The following WDR18 variants were observed in gnomAD, a reference collection of about 807,000 sequenced individuals.
WDR18 encodes WD repeat domain 18, also known as WD repeat-containing protein 18.
A neutral mutation model predicts 49.6 loss-of-function variants in WDR18; 33 were observed. The ratio of observed to expected loss-of-function variants is 0.67; its 90% CI spans 0.50 to 0.89. WDR18 has a LOEUF of 0.89. Among genes scored for constraint, WDR18 ranks in the 40% least tolerant of loss-of-function variants. WDR18 has a pLI of 0.00. For missense variants in WDR18, 653 were observed against 593.6 expected (o/e 1.10, Z -1.04); for synonymous variants, 315 against 263.6 (o/e 1.19, Z -1.89).
At chr19:990,005 G>C in intron 3 of WDR18, 110 bp downstream of exon 3, 1 of 1,485,430 alleles carries the variant, frequency 6.7e-7, no homozygotes. Context: ...GGGGGCTGGA[G>C]TGCAGAGGAC....
At chr19:988,842 C>G (rs1321516398) in intron 2 of WDR18, among the ~76,000 whole-genome samples, 3 of 152,174 alleles carry the variant, frequency 2.0e-5, no homozygotes, top group African/African-American at 7.2e-5. Context: ...AACCGGGACA[C>G]ATGGATGGAT....
At chr19:984,677 G>C in intron 1 of WDR18, 114 bp downstream of exon 1, 1 of 1,130,860 alleles carries the variant, frequency 8.8e-7, no homozygotes, top group South Asian at 1.9e-5. Flanking sequence ...GGGAGGGGAG[G>C]TGGTCTCCGT....
rs756685556 is a variant in WDR18 at position 989,841 on chromosome 19, G to A, written c.401G>A (p.Ser134Asn). 3 of 1,612,762 alleles carry A rather than the reference G, an allele frequency of 1.9e-6. No homozygotes were observed. Among genetic ancestry groups the A allele is most frequent in the Admixed American group, 1.7e-5 (1 of 59,980 alleles). Residue 134 changes from serine to asparagine, a missense_variant, in exon 3 of 10, where the codon AGC becomes AAC. Ser to Asn is a conservative substitution (Grantham distance 46, BLOSUM62 1). Coordinates refer to ENST00000585809, the MANE Select transcript of WDR18 (RefSeq NM_024100.4). ...VSCLQFTGDS[S>N]HFISGGKDCL... ...TGCCTTCAGTTCACAGGGGACAGCA[G>A]CCACTTCATCTCAGGGGGCAAGGAC...
At chr19:992,953 C>T (rs973603355) in intron 8 of WDR18, among the ~76,000 whole-genome samples, 1 of 152,266 alleles carries the variant, frequency 6.6e-6, no homozygotes, top group Admixed American at 6.5e-5. Flanking sequence ...TGCCCGACAG[C>T]CTGATGGCCT....
intron 7 of WDR18, 149 bp from the exon 8 acceptor site, chr19:991,803 GGTC>G: frequency 2.4e-6 from 2 of 819,458 alleles, no homozygotes; most frequent in Non-Finnish European, 3.4e-6. Flanking sequence ...GGCGTGGACT[GGTC>G]GTGGGGCGGG....
chr19:988,959 G>C (rs146336883), intron 2 of WDR18, among the ~76,000 whole-genome samples: 13 of 152,118 alleles, frequency 8.5e-5, no homozygotes, highest in African/African-American at 3.1e-4. Context: ...ACATGCTTTT[G>C]GGGGGAAACA....
intron 8 of WDR18, among the ~76,000 whole-genome samples, chr19:992,421 C>T (rs2038572024): frequency 1.3e-5 from 2 of 152,368 alleles, no homozygotes; most frequent in East Asian, 3.9e-4. Flanking sequence ...TTAGGTCTTT[C>T]TGCAAAAGGC....
intron 2 of WDR18, among the ~76,000 whole-genome samples, chr19:987,947 G>T (rs1266889432): frequency 6.7e-6 from 1 of 148,736 alleles, no homozygotes; most frequent in Admixed American, 6.8e-5. Flanking sequence ...CGATTCTCCT[G>T]CCTCAGCCTC....
upstream of WDR18, among the ~76,000 whole-genome samples, chr19:983,716 G>A (rs779467934): frequency 5.3e-5 from 8 of 152,112 alleles, 1 homozygote; most frequent in South Asian, 1.0e-3. Context: ...CCCTAAAGAG[G>A]GGTCAAGGGG....
chr19:992,185 C>T, intron 8 of WDR18, 64 bp downstream of exon 8: 1 of 1,387,380 alleles, frequency 7.2e-7, no homozygotes, highest in Non-Finnish European at 9.3e-7. Context: ...GGGCCCTGGG[C>T]TCCTTCGCTC....
chr19:989,158 A>AC (rs2038511749), intron 2 of WDR18, among the ~76,000 whole-genome samples: 1 of 79,570 alleles, frequency 1.3e-5, no homozygotes, highest in Admixed American at 1.3e-4. Flanking sequence ...CGAACCCACA[A>AC]CCCCCTCCAG....
At chr19:984,303 G>C (rs552228730), upstream of WDR18, 10 of 1,500,224 alleles carry the variant, frequency 6.7e-6, no homozygotes, top group Middle Eastern at 2.0e-4. Context: ...TGGGGCAGTC[G>C]TCCGCGTCTC....
In WDR18 at chr19:991,320, C is replaced by T. The variant is rs765481402; in HGVS notation, c.900C>T (p.Ser300=). 3.8e-6 allele frequency: 6 copies of T among 1,558,628 alleles called. No individual in the cohort carries two copies. Among genetic ancestry groups the T allele is most frequent in the Non-Finnish European group, 5.2e-6 (6 of 1,151,650 alleles). ...CCGTGCGCCTCTGGGACGTGCAGAG[C>T]AAGCAGTGCATCCGGACGGTGGCCC... ...DETVRLWDVQ[S]KQCIRTVALK... is the part of the protein sequence containing the mutation. Residue 300 remains serine, a synonymous_variant, in exon 7 of 10, where the codon AGC becomes AGT. Transcript: ENST00000585809.
At chr19:994,147 G>A (rs2038599022) in intron 9 of WDR18, 59 bp downstream of exon 9, 2 of 1,549,226 alleles carry the variant, frequency 1.3e-6, no homozygotes, top group African/African-American at 1.4e-5. Flanking sequence ...GGCCAGTGGG[G>A]GTGAGTGGCC....
chr19:989,738 C>T (rs371503164), intron 2 of WDR18, 24 bp from the exon 3 acceptor site: 6 of 1,612,062 alleles, frequency 3.7e-6, no homozygotes, highest in Non-Finnish European at 5.1e-6. Context: ...CTCCCCTGAC[C>T]TGGATACCCT....
At chr19:990,194 CTGCT>C (rs1444873259) in intron 3 of WDR18, 25 bp from the exon 4 acceptor site, 1 of 1,582,080 alleles carries the variant, frequency 6.3e-7, no homozygotes, top group Non-Finnish European at 8.5e-7. Context: ...CGCTCCCCGC[CTGCT>C]GAGCACCTGC....
At chr19:984,844 C>T (rs984046960) in intron 1 of WDR18, among the ~76,000 whole-genome samples, 2 of 152,054 alleles carry the variant, frequency 1.3e-5, no homozygotes, top group African/African-American at 4.8e-5. Context: ...GGCAATTGCG[C>T]ATGCACGAGT....
In WDR18 at chr19:990,213, C is replaced by G; in HGVS notation, c.456-10C>G. On this transcript the variant is annotated splice_polypyrimidine_tract_variant and intron_variant, in intron 3 of 9. Coordinates refer to ENST00000585809, the MANE Select transcript of WDR18 (RefSeq NM_024100.4). The stretch of plus-strand genomic sequence containing the variant: ...CCCCGCCTGCTGAGCACCTGCCCCA[C>G]CCCGCTCAGCGTGCTGCAGGCCGAC... The G allele has an allele frequency of 6.3e-7, 1 of 1,594,350 alleles. No homozygotes were observed. Among genetic ancestry groups the G allele is most frequent in the Non-Finnish European group, 8.5e-7 (1 of 1,177,232 alleles).
intron 3 of WDR18, 146 bp from the exon 4 acceptor site, chr19:990,077 T>C: frequency 7.2e-7 from 1 of 1,379,336 alleles, no homozygotes; most frequent in Non-Finnish European, 9.6e-7. Flanking sequence ...CTGGGGGCCG[T>C]GGGGGCCCAG....
Sources: gnomAD v4.1 joint callset for allele counts (sites outside exome capture counted in the v4.1 genomes callset) on GRCh38, gnomAD v4.1.1 for gene constraint, MANE v1.5 for transcripts, NCBI Gene and HGNC (gene_info 2026-07-23, HGNC 2026-07-21) for gene names.